The following CSMD1 variants were observed in gnomAD, a reference collection of about 807,000 sequenced individuals.
CSMD1 encodes CUB and sushi domain-containing protein 1.
Under a neutral mutation model 417.5 loss-of-function variants are expected in CSMD1, and 213 were observed. The observed-to-expected ratio is 0.51, with a 90% CI of 0.46 to 0.57. The LOEUF (loss-of-function observed/expected upper bound fraction) is 0.57, where lower values mean the gene tolerates loss of function less well. CSMD1 is among the 20% of genes least tolerant of loss of function. CSMD1 has a pLI of 0.00. For synonymous variants in CSMD1, 2,862 were observed against 1,736.8 expected, an observed-to-expected ratio of 1.65 and a Z score of -16.11; for missense variants, 6,923 against 4,529.7, an observed-to-expected ratio of 1.53 and a Z score of -15.17.
At chr8:4,487,325 C>T (rs1407060803) in intron 2 of CSMD1, among the ~76,000 whole-genome samples, 1 of 152,122 alleles carries the variant, frequency 6.6e-6, no homozygotes, top group African/African-American at 2.4e-5. Flanking sequence ...CTCCCCTCTC[C>T]CCACAACAGT....
At chr8:4,423,875 G>A (rs1031024563) in intron 2 of CSMD1, among the ~76,000 whole-genome samples, 7 of 152,086 alleles carry the variant, frequency 4.6e-5, no homozygotes, top group Middle Eastern at 3.4e-3. Context: ...ACATAAACCC[G>A]TATGTCAATG....
intron 61 of CSMD1, among the ~76,000 whole-genome samples, chr8:2,962,053 T>A (rs540372899): frequency 6.6e-6 from 1 of 152,164 alleles, no homozygotes; most frequent in African/African-American, 2.4e-5. Context: ...GCTTAGTAAA[T>A]CTCAATGAAC....
At chr8:3,128,136 G>A (rs536497301) in intron 41 of CSMD1, 25 of 152,152 alleles carry the variant, frequency 1.6e-4, no homozygotes, top group Middle Eastern at 3.4e-3. Flanking sequence ...AAATAACACA[G>A]AGAATTTTAT....
chr8:4,022,617 C>G (rs1017213069), intron 4 of CSMD1, among the ~76,000 whole-genome samples: 73 of 152,206 alleles, frequency 4.8e-4, no homozygotes, highest in Middle Eastern at 3.4e-3. Flanking sequence ...TGCGACAGTC[C>G]TAGAAACCAT....
intron 11 of CSMD1, among the ~76,000 whole-genome samples, chr8:3,475,470 G>C (rs1563074047): frequency 6.6e-6 from 1 of 152,124 alleles, no homozygotes; most frequent in Non-Finnish European, 1.5e-5. Flanking sequence ...TGTTATGTTA[G>C]GCAGCATACC....
At chr8:4,702,917 T>C (rs1723155848) in intron 1 of CSMD1, among the ~76,000 whole-genome samples, 3 of 152,214 alleles carry the variant, frequency 2.0e-5, no homozygotes, top group Admixed American at 1.3e-4. Context: ...TCATAGACTG[T>C]AGACTTCTAA....
intron 5 of CSMD1, among the ~76,000 whole-genome samples, chr8:3,985,127 C>T (rs1263140313): frequency 3.9e-5 from 6 of 151,982 alleles, no homozygotes; most frequent in African/African-American, 1.5e-4. Flanking sequence ...CACCATAGAT[C>T]ATGTACTTCA....
At chr8:3,993,198 A>T (rs1304809322) in intron 5 of CSMD1, among the ~76,000 whole-genome samples, 1 of 152,234 alleles carries the variant, frequency 6.6e-6, no homozygotes, top group Non-Finnish European at 1.5e-5. Context: ...GATATACAGC[A>T]ACTCTCTGTG....
At chr8:3,109,371 T>G (rs1462863213) in intron 43 of CSMD1, among the ~76,000 whole-genome samples, 1 of 152,186 alleles carries the variant, frequency 6.6e-6, no homozygotes, top group African/African-American at 2.4e-5. Flanking sequence ...CAGAATGCTG[T>G]TTTGTTTTGG....
Position 3,857,495 on chromosome 8 carries a change from C to A in CSMD1, c.819-103453G>T, listed in dbSNP as rs901140706. 4.6e-5 allele frequency among the ~76,000 whole-genome samples: 7 copies of A among 152,224 alleles called. No individual in the cohort carries two copies. In the East Asian group the frequency reaches 9.6e-4, roughly 21 times the overall value. ...TATCCCACCTATATATATGAGGATA[C>A]CTAAGTCCAGAAATAGTAGATGATT... On this transcript the variant is annotated intron_variant, in intron 5 of 69. Coordinates refer to ENST00000635120, the MANE Select transcript of CSMD1 (RefSeq NM_033225.6).
intron 1 of CSMD1, among the ~76,000 whole-genome samples, chr8:4,722,686 A>T (rs1352598351): frequency 6.6e-6 from 1 of 152,216 alleles, no homozygotes; most frequent in Middle Eastern, 3.4e-3. Flanking sequence ...AAAGTTTCTA[A>T]TTTTTCTAAT....
At chr8:3,269,118 C>G (rs1038775658) in intron 26 of CSMD1, among the ~76,000 whole-genome samples, 3 of 152,216 alleles carry the variant, frequency 2.0e-5, no homozygotes, top group African/African-American at 7.2e-5. Flanking sequence ...AGAACTTCAG[C>G]TAAACCAGCA....
intron 23 of CSMD1, among the ~76,000 whole-genome samples, chr8:3,338,990 C>G (rs1240202315): frequency 8.1e-6 from 1 of 124,072 alleles, no homozygotes; most frequent in African/African-American, 3.0e-5. Flanking sequence ...CCCCCCTCCC[C>G]CCACCCCACA....
chr8:3,123,920 A>G (rs1817352321), intron 41 of CSMD1, among the ~76,000 whole-genome samples: 1 of 152,178 alleles, frequency 6.6e-6, no homozygotes, highest in African/African-American at 2.4e-5. Flanking sequence ...CTTAAGAAGT[A>G]CAATTAAGTT....
chr8:3,888,593 C>G (rs913514229), intron 5 of CSMD1, among the ~76,000 whole-genome samples: 4 of 152,132 alleles, frequency 2.6e-5, no homozygotes, highest in African/African-American at 9.7e-5. Context: ...AATGGCCCAG[C>G]TGCATAATCT....
chr8:4,897,902 G>A (rs1804609907), intron 1 of CSMD1, among the ~76,000 whole-genome samples: 1 of 152,076 alleles, frequency 6.6e-6, no homozygotes, highest in Admixed American at 6.5e-5. Context: ...AGAGCAAGGC[G>A]TGGCTTTGTT....
At chr8:3,466,584 T>A (rs1004057468) in intron 12 of CSMD1, among the ~76,000 whole-genome samples, 2 of 147,844 alleles carry the variant, frequency 1.4e-5, no homozygotes, top group South Asian at 2.2e-4. Flanking sequence ...CTAATTTTTT[T>A]TTTTTTTTTT....
At chr8:4,219,958 C>CTT (rs907541208) in intron 3 of CSMD1, among the ~76,000 whole-genome samples, 1 of 151,100 alleles carries the variant, frequency 6.6e-6, no homozygotes, top group South Asian at 2.1e-4. Flanking sequence ...TTTTTTAATG[C>CTT]TTTTTTTTTG....
intron 3 of CSMD1, among the ~76,000 whole-genome samples, chr8:4,355,680 G>A (rs999072441): frequency 2.0e-5 from 3 of 152,172 alleles, no homozygotes; most frequent in Non-Finnish European, 4.4e-5. Flanking sequence ...AAAGCCTACA[G>A]AGTTTCCTAC....
Sources: allele counts gnomAD v4.1 joint callset (sites outside exome capture counted in the v4.1 genomes callset), GRCh38; gene constraint gnomAD v4.1.1; transcripts MANE v1.5; gene names NCBI Gene and HGNC (gene_info 2026-07-23, HGNC 2026-07-21).